The following NAV3 variants were observed in gnomAD, a reference collection of about 807,000 sequenced individuals.
NAV3 encodes neuron navigator 3.
Under a neutral mutation model 244.7 loss-of-function variants are expected in NAV3, and 87 were observed. The ratio of observed to expected loss-of-function variants is 0.36; its 90% CI spans 0.30 to 0.42. NAV3 has a LOEUF of 0.42. Among genes scored for constraint, NAV3 ranks in the 20% least tolerant of loss-of-function variants. The probability of loss-of-function intolerance (pLI) is 1.00; values close to 1 mark genes in which losing one functional copy is unlikely to be tolerated. For missense variants in NAV3, 2,663 were observed against 2,893.3 expected (o/e 0.92, Z 1.83); for synonymous variants, 1,126 against 1,042.2 (o/e 1.08, Z -1.55).
intron 1 of NAV3, among the ~76,000 whole-genome samples, chr12:77,903,540 T>C (rs1335977744): frequency 6.6e-6 from 1 of 151,958 alleles, no homozygotes; most frequent in Admixed American, 6.6e-5. Flanking sequence ...CCATAAAAAC[T>C]CTAGAAGAAA....
chr12:77,719,690 G>A (rs567366513), intron 2 of NAV3, among the ~76,000 whole-genome samples: 16 of 152,100 alleles, frequency 1.1e-4, no homozygotes, highest in African/African-American at 2.6e-4. Context: ...GTTAAATTCA[G>A]TTTGCTAGCA....
intron 8 of NAV3, among the ~76,000 whole-genome samples, chr12:78,008,737 A>G (rs900166232): frequency 6.6e-6 from 1 of 152,174 alleles, no homozygotes. Flanking sequence ...TATAATTATT[A>G]CATTTAAGCT....
intron 13 of NAV3, among the ~76,000 whole-genome samples, chr12:78,117,327 T>G (rs1955455590): frequency 6.9e-6 from 1 of 145,322 alleles, no homozygotes; most frequent in African/African-American, 2.5e-5. Flanking sequence ...TAATAGATAT[T>G]TATATATATT....
intron 2 of NAV3, among the ~76,000 whole-genome samples, chr12:77,757,484 A>G (rs1869244770): frequency 1.3e-5 from 2 of 152,210 alleles, no homozygotes; most frequent in African/African-American, 4.8e-5. Flanking sequence ...TTGAGTATAT[A>G]TTACAGGTGC....
chr12:77,606,510 G>A (rs1156463402), intron 2 of NAV3, among the ~76,000 whole-genome samples: 1 of 152,048 alleles, frequency 6.6e-6, no homozygotes, highest in Non-Finnish European at 1.5e-5. Flanking sequence ...CTGCTACAAT[G>A]TGAGTAACTT....
At chr12:77,673,022 C>G (rs933422056) in intron 2 of NAV3, among the ~76,000 whole-genome samples, 8 of 151,944 alleles carry the variant, frequency 5.3e-5, no homozygotes, top group African/African-American at 1.9e-4. Context: ...ATTCAGAATT[C>G]TTAGTGTTGT....
At chr12:77,713,482 A>G (rs1040176939) in intron 2 of NAV3, among the ~76,000 whole-genome samples, 26 of 152,210 alleles carry the variant, frequency 1.7e-4, no homozygotes, top group Non-Finnish European at 1.0e-4. Flanking sequence ...TTGATAATGT[A>G]TCCATTCTTA....
At chr12:78,153,004 G>A (rs1006513116) in intron 22 of NAV3, among the ~76,000 whole-genome samples, 1 of 151,968 alleles carries the variant, frequency 6.6e-6, no homozygotes, top group Non-Finnish European at 1.5e-5. Context: ...TTAAGTATCA[G>A]ATATTCATCT....
chr12:78,013,240 C>A (rs986249817), intron 8 of NAV3, among the ~76,000 whole-genome samples: 24 of 152,066 alleles, frequency 1.6e-4, no homozygotes. Context: ...CGTCCTATGT[C>A]GTTTTCTTTT....
At chr12:77,815,613 A>C (rs1181510342) in intron 2 of NAV3, among the ~76,000 whole-genome samples, 1 of 152,200 alleles carries the variant, frequency 6.6e-6, no homozygotes, top group Non-Finnish European at 1.5e-5. Context: ...TGAAGCTTTT[A>C]AAATTACATC....
intron 2 of NAV3, among the ~76,000 whole-genome samples, chr12:77,686,344 C>T (rs1874742779): frequency 6.6e-6 from 1 of 151,798 alleles, no homozygotes; most frequent in Non-Finnish European, 1.5e-5. Context: ...CTGCTTGCAT[C>T]AGCCTCCCAG....
At chr12:77,943,038 A>C (rs1371494284) in intron 3 of NAV3, among the ~76,000 whole-genome samples, 3 of 152,198 alleles carry the variant, frequency 2.0e-5, no homozygotes, top group Non-Finnish European at 4.4e-5. Flanking sequence ...GATTACAGAG[A>C]ATTCAATAAA....
rs2139804052 is a variant in NAV3, at chr12:78,185,633, G to A, written c.5725G>A (p.Gly1909Arg). Residue 1909 changes from glycine (G) to arginine (R), a missense_variant, in exon 31 of 40, where the codon GGA becomes AGA. By Grantham distance (125) the Gly-to-Arg change is moderately radical (BLOSUM62 -2). Transcript: ENST00000397909. Reference sequence around the variant, plus strand: ...GCTAGATGATGCTGGTGATGCAACTGGACATAAAGATGGCCGCAGTGTGAA... The same window carrying A: ...GCTAGATGATGCTGGTGATGCAACTAGACATAAAGATGGCCGCAGTGTGAA... ...ILLDDAGDAT[G>R]HKDGRSVKII... The A allele has an allele frequency of 6.2e-7, 1 of 1,608,430 alleles. No homozygotes were observed. Among genetic ancestry groups the A allele is most frequent in the Non-Finnish European group, 8.5e-7 (1 of 1,177,334 alleles).
At chr12:78,000,275 T>C (rs563114594) in intron 7 of NAV3, among the ~76,000 whole-genome samples, 2 of 152,176 alleles carry the variant, frequency 1.3e-5, no homozygotes, top group South Asian at 2.1e-4. Flanking sequence ...TCTGCTCATA[T>C]AAAGCACATT....
chr12:77,954,548 T>G (rs1031038099), intron 3 of NAV3, among the ~76,000 whole-genome samples: 2 of 152,170 alleles, frequency 1.3e-5, no homozygotes, highest in African/African-American at 2.4e-5. Flanking sequence ...AAACTTACAG[T>G]GAAGATGAAA....
chr12:77,868,086 AC>A (rs1185840550), intron 1 of NAV3, among the ~76,000 whole-genome samples: 2 of 136,292 alleles, frequency 1.5e-5, no homozygotes, highest in African/African-American at 5.3e-5. Flanking sequence ...TTCCAGTCAA[AC>A]CTTGCTGTTT....
intron 19 of NAV3, 53 bp downstream of exon 19, chr12:78,137,418 G>T: frequency 6.7e-7 from 1 of 1,501,642 alleles, no homozygotes; most frequent in Non-Finnish European, 8.9e-7. Context: ...ACCCTGAGAG[G>T]GAAACCATTG....
At chr12:78,141,245 C>G (rs985779454) in intron 20 of NAV3, among the ~76,000 whole-genome samples, 9 of 149,616 alleles carry the variant, frequency 6.0e-5, no homozygotes, top group Non-Finnish European at 1.5e-5. Context: ...CTTTTGCAAA[C>G]GTGTGACATT....
chr12:78,150,825 C>G (rs1469858691), intron 22 of NAV3, among the ~76,000 whole-genome samples: 1 of 151,946 alleles, frequency 6.6e-6, no homozygotes, highest in African/African-American at 2.4e-5. Context: ...ACACTATTTT[C>G]ACTGATGTGT....
Sources: gnomAD v4.1 joint callset for allele counts (sites outside exome capture counted in the v4.1 genomes callset) on GRCh38, gnomAD v4.1.1 for gene constraint, MANE v1.5 for transcripts, NCBI Gene and HGNC (gene_info 2026-07-23, HGNC 2026-07-21) for gene names.